The following CDH12 variants were observed in gnomAD, a reference collection of about 807,000 sequenced individuals.
CDH12 encodes cadherin-12.
A neutral mutation model predicts 74.1 loss-of-function variants in CDH12; 41 were observed. The ratio of observed to expected loss-of-function variants is 0.55; its 90% confidence interval spans 0.43 to 0.72. The LOEUF is 0.72. Among genes scored for constraint, CDH12 ranks in the 30% least tolerant of loss-of-function variants. The probability of loss-of-function intolerance (pLI) is 0.00; values close to 1 mark genes in which losing one functional copy is unlikely to be tolerated. For missense variants in CDH12, 945 were observed against 977.2 expected, an observed-to-expected ratio of 0.97 and a Z score of 0.44; for synonymous variants, 399 against 355.0, an observed-to-expected ratio of 1.12 and a Z score of -1.39.
chr5:22,068,269 C>T (rs985798666), intron 5 of CDH12, among the ~76,000 whole-genome samples: 18 of 152,190 alleles, frequency 1.2e-4, no homozygotes, highest in African/African-American at 4.3e-4. Flanking sequence ...CTGCCACACT[C>T]TCTTCTCTTT....
chr5:21,942,264 T>C (rs1755363567), intron 6 of CDH12, among the ~76,000 whole-genome samples: 1 of 151,302 alleles, frequency 6.6e-6, no homozygotes, highest in Non-Finnish European at 1.5e-5. Context: ...AACTGTAAGA[T>C]AGTAGATTTG....
At chr5:21,924,703 T>G (rs6452034) in intron 6 of CDH12, among the ~76,000 whole-genome samples, 2 of 152,160 alleles carry the variant, frequency 1.3e-5, no homozygotes, top group Non-Finnish European at 2.9e-5. Flanking sequence ...TTTTAATGTC[T>G]TACTACTGTT....
At chr5:22,693,920 TA>T (rs535026073) in intron 1 of CDH12, among the ~76,000 whole-genome samples, 114 of 151,694 alleles carry the variant, frequency 7.5e-4, no homozygotes, top group African/African-American at 1.1e-3. Context: ...TTCATCAATT[TA>T]AAAAAAAAAT....
chr5:22,394,462 G>A (rs1225937187), intron 3 of CDH12, among the ~76,000 whole-genome samples: 1 of 152,112 alleles, frequency 6.6e-6, no homozygotes, highest in African/African-American at 2.4e-5. Flanking sequence ...AACCTTCAAG[G>A]AAAAGGAAGA....
chr5:22,776,533 A>G (rs571492435), intron 1 of CDH12, among the ~76,000 whole-genome samples: 1 of 152,288 alleles, frequency 6.6e-6, no homozygotes, highest in South Asian at 2.1e-4. Flanking sequence ...CTATAGGCAC[A>G]GAAGGAAATC....
intron 5 of CDH12, among the ~76,000 whole-genome samples, chr5:22,074,734 G>C (rs1249321482): frequency 5.3e-5 from 8 of 152,130 alleles, no homozygotes; most frequent in Non-Finnish European, 1.2e-4. Flanking sequence ...GGCCATCAGA[G>C]AAATGCAAAT....
At chr5:21,879,106 C>T (rs1276565964) in intron 6 of CDH12, among the ~76,000 whole-genome samples, 1 of 152,164 alleles carries the variant, frequency 6.6e-6, no homozygotes, top group Admixed American at 6.5e-5. Context: ...ACATGGTTCT[C>T]TCTCAAGAGT....
intron 4 of CDH12, among the ~76,000 whole-genome samples, chr5:22,168,294 G>A (rs1006975980): frequency 2.6e-5 from 4 of 151,798 alleles, no homozygotes; most frequent in African/African-American, 7.3e-5. Context: ...CCCCTCTTCC[G>A]TTATTACACT....
chr5:22,190,897 G>A (rs1455359170), intron 4 of CDH12, among the ~76,000 whole-genome samples: 5 of 152,214 alleles, frequency 3.3e-5, no homozygotes, highest in Non-Finnish European at 7.3e-5. Flanking sequence ...GCCAAATGAA[G>A]TTCACTTTTC....
rs552074719 is a variant in CDH12, at chr5:21,897,030, A to G, written c.527-42240T>C. ...ATTCTACCTACAACTAAATCTGAGA[A>G]AAAAATATTGAGTTCATAAAGATGA... is the stretch of plus-strand genomic sequence containing the variant. On this transcript the variant is annotated intron_variant, in intron 6 of 14. Transcript: ENST00000382254. Among the ~76,000 whole-genome samples the G allele has an allele frequency of 2.4e-4, 37 of 152,352 alleles. No individual in the cohort carries two copies. In the South Asian group the frequency reaches 7.7e-3, roughly 32 times the overall value.
At chr5:22,115,288 T>C (rs1447165739) in intron 4 of CDH12, among the ~76,000 whole-genome samples, 1 of 152,196 alleles carries the variant, frequency 6.6e-6, no homozygotes, top group African/African-American at 2.4e-5. Flanking sequence ...ATGGAATACA[T>C]CTTAGTTCCT....
intron 6 of CDH12, among the ~76,000 whole-genome samples, chr5:21,943,306 C>A: frequency 6.6e-6 from 1 of 152,238 alleles, no homozygotes; most frequent in East Asian, 1.9e-4. Context: ...TTATAGTTAG[C>A]ATTTACAAAG....
intron 1 of CDH12, among the ~76,000 whole-genome samples, chr5:22,508,739 T>C (rs114648278): frequency 0.018 from 2,714 of 152,234 alleles, 79 homozygotes; most frequent in African/African-American, 0.062. Context: ...ACCTACAGCC[T>C]GGAAACCACC....
Position 22,762,145 on chromosome 5 carries a change from C to T in CDH12, c.-523+90913G>A, listed in dbSNP as rs572404269. On this transcript the variant is annotated intron_variant, in intron 1 of 14. Coordinates refer to ENST00000382254, the MANE Select transcript of CDH12 (RefSeq NM_004061.5). ...ACCTAACCTATACATCACCCAGTTA[C>T]GAAATGTATGTAATGTGTATATGTA... Among the ~76,000 whole-genome samples, 119 of 152,072 alleles carry T rather than the reference C, an allele frequency of 7.8e-4. 1 individual carries two copies. The highest frequency in any genetic ancestry group is 1.3e-3 in the African/African-American group (55 of 41,520).
chr5:22,254,102 C>T (rs1436439334), intron 3 of CDH12, among the ~76,000 whole-genome samples: 2 of 151,742 alleles, frequency 1.3e-5, no homozygotes, highest in Non-Finnish European at 2.9e-5. Context: ...TTTAGGCCTG[C>T]TAGAGCATTT....
intron 3 of CDH12, among the ~76,000 whole-genome samples, chr5:22,343,690 T>C (rs1270380841): frequency 6.6e-6 from 1 of 152,188 alleles, no homozygotes; most frequent in Non-Finnish European, 1.5e-5. Context: ...AGTGCTGGGA[T>C]TACAGGCGTG....
At chr5:21,830,033 T>C (rs1748916960) in intron 8 of CDH12, among the ~76,000 whole-genome samples, 1 of 151,300 alleles carries the variant, frequency 6.6e-6, no homozygotes, top group Admixed American at 6.6e-5. Flanking sequence ...ACCCCATCTC[T>C]ACTAAAAATA....
intron 4 of CDH12, among the ~76,000 whole-genome samples, chr5:22,104,967 C>G (rs1195489794): frequency 6.6e-6 from 1 of 152,130 alleles, no homozygotes; most frequent in Non-Finnish European, 1.5e-5. Flanking sequence ...GAGAAAGAAT[C>G]AGGTGCATGA....
At chr5:22,269,948 A>G (rs1736309681) in intron 3 of CDH12, among the ~76,000 whole-genome samples, 1 of 152,208 alleles carries the variant, frequency 6.6e-6, no homozygotes, top group Admixed American at 6.5e-5. Flanking sequence ...ACTTCAAATT[A>G]TAAAATCGTG....
Sources: gnomAD v4.1 joint callset for allele counts (sites outside exome capture counted in the v4.1 genomes callset) on GRCh38, gnomAD v4.1.1 for gene constraint, MANE v1.5 for transcripts, NCBI Gene and HGNC (gene_info 2026-07-23, HGNC 2026-07-21) for gene names.